Variants in OOSP3 observed in about 807,000 individuals in gnomAD.
OOSP3 encodes the protein oocyte-secreted protein 3.
chr11:59,887,051 TC>T (rs1565219462), intron 2 of OOSP3, among the ~76,000 whole-genome samples: 1 of 151,918 alleles, frequency 6.6e-6, no homozygotes, highest in Non-Finnish European at 1.5e-5. Context: ...TGCCTTGGCC[TC>T]CCAAAGTGCT....
intron 2 of OOSP3, among the ~76,000 whole-genome samples, chr11:59,880,889 C>T (rs1345973523): frequency 2.6e-5 from 4 of 152,000 alleles, no homozygotes; most frequent in African/African-American, 7.3e-5. Context: ...TGGATGATAC[C>T]AGAGGTAGAA....
chr11:59,894,308 T>G (rs1049168792), intron 3 of OOSP3, 132 bp downstream of exon 3: 1 of 393,700 alleles, frequency 2.5e-6, no homozygotes, highest in Admixed American at 4.4e-5. Context: ...CTCTGTGCAA[T>G]GATGAGGTAT....
intron 2 of OOSP3, among the ~76,000 whole-genome samples, chr11:59,886,910 C>G (rs542469718): frequency 1.8e-4 from 28 of 151,970 alleles, no homozygotes; most frequent in African/African-American, 6.3e-4. Flanking sequence ...GCTGCCTCAG[C>G]CTCCCGAATA....
In OOSP3 at chr11:59,896,465, T is replaced by C. The variant is rs566432474; in HGVS notation, c.*252T>C. 3.4e-4 allele frequency: 97 copies of C among 289,108 alleles called. No homozygotes were observed. In the East Asian group the frequency reaches 5.1e-3, roughly 15 times the overall value. 17.9% of individuals were successfully genotyped at this position (289,108 alleles called of 1,614,324 possible). On this transcript the variant is annotated 3_prime_UTR_variant, in exon 5 of 5. Coordinates refer to ENST00000646438, the Ensembl canonical transcript of OOSP3. ...TGTGGAGTTGATCTTACAAATAAAA[T>C]GTGCTGTCCCTTTGGCTATACTTCT...
At chr11:59,884,071 T>C (rs551638536) in intron 2 of OOSP3, among the ~76,000 whole-genome samples, 70 of 152,304 alleles carry the variant, frequency 4.6e-4, no homozygotes, top group Middle Eastern at 3.4e-3. Flanking sequence ...ATATTCCTGG[T>C]TTACTATTGG....
At chr11:59,895,701 G>T (rs948852365) in intron 4 of OOSP3, 49 bp downstream of exon 4, 8 of 397,978 alleles carry the variant, frequency 2.0e-5, no homozygotes, top group Non-Finnish European at 3.1e-5. Flanking sequence ...ATGTAGAAAT[G>T]ATCGTATTGA....
At chr11:59,891,622 T>A (rs983758562) in intron 2 of OOSP3, among the ~76,000 whole-genome samples, 1 of 152,216 alleles carries the variant, frequency 6.6e-6, no homozygotes, top group Non-Finnish European at 1.5e-5. Flanking sequence ...TTGCTGCCTG[T>A]GCCTTCCTCT....
At chr11:59,890,745 G>A (rs1436168871) in intron 2 of OOSP3, among the ~76,000 whole-genome samples, 28 of 152,226 alleles carry the variant, frequency 1.8e-4, no homozygotes, top group Non-Finnish European at 8.8e-5. Flanking sequence ...AAAATTGGAT[G>A]ATTATGTGTC....
At chr11:59,889,239 T>C (rs905088716) in intron 2 of OOSP3, among the ~76,000 whole-genome samples, 1 of 151,814 alleles carries the variant, frequency 6.6e-6, no homozygotes, top group Non-Finnish European at 1.5e-5. Flanking sequence ...TTTTTTTTTT[T>C]CCAAAAAAGC....
intron 2 of OOSP3, among the ~76,000 whole-genome samples, chr11:59,888,782 G>C (rs1853284755): frequency 6.6e-6 from 1 of 152,084 alleles, no homozygotes; most frequent in Non-Finnish European, 1.5e-5. Flanking sequence ...TCTCTGTCAG[G>C]GTTTGGTATC....
chr11:59,893,279 A>C (rs925471613), intron 2 of OOSP3, among the ~76,000 whole-genome samples: 1 of 152,248 alleles, frequency 6.6e-6, no homozygotes, highest in Non-Finnish European at 1.5e-5. Context: ...AAAAATTATC[A>C]ATAGAAAAAC....
intron 2 of OOSP3, among the ~76,000 whole-genome samples, chr11:59,887,682 C>G (rs1853275773): frequency 6.6e-6 from 1 of 152,148 alleles, no homozygotes; most frequent in Non-Finnish European, 1.5e-5. Flanking sequence ...CAGTACCATG[C>G]TGTTTTGATT....
At chr11:59,882,066 C>G (rs910622470) in intron 2 of OOSP3, among the ~76,000 whole-genome samples, 1 of 151,910 alleles carries the variant, frequency 6.6e-6, no homozygotes, top group Admixed American at 6.6e-5. Flanking sequence ...GTGGTTTTTC[C>G]CATATTTCAA....
rs572881279 is a variant in OOSP3 at position 59,882,781 on chromosome 11, G to A, written c.252+2342G>A. On this transcript the variant is annotated intron_variant, in intron 2 of 4. Transcript: ENST00000646438. ...CAAAAATGCACCCATACCTATCAGCGGTCACTTCACTGCCTCTTCTCCCCT... is the reference window on the plus strand; with the variant it reads ...CAAAAATGCACCCATACCTATCAGCAGTCACTTCACTGCCTCTTCTCCCCT... Among the ~76,000 whole-genome samples the A allele has an allele frequency of 6.6e-5, 10 of 152,108 alleles. No individual in the cohort carries two copies. In the South Asian group the frequency reaches 1.2e-3, roughly 19 times the overall value.
At chr11:59,882,739 A>C (rs1285361869) in intron 2 of OOSP3, among the ~76,000 whole-genome samples, 1 of 152,176 alleles carries the variant, frequency 6.6e-6, no homozygotes, top group Non-Finnish European at 1.5e-5. Context: ...TAATTCCAGG[A>C]TATTTTAATC....
chr11:59,882,804 C>T, intron 2 of OOSP3, among the ~76,000 whole-genome samples: 1 of 152,156 alleles, frequency 6.6e-6, no homozygotes, highest in East Asian at 1.9e-4. Context: ...CCTCTTCTCC[C>T]CTAGTTATAG....
intron 2 of OOSP3, among the ~76,000 whole-genome samples, chr11:59,884,783 C>T (rs776904774): frequency 6.6e-6 from 1 of 152,112 alleles, no homozygotes; most frequent in Admixed American, 6.6e-5. Context: ...GGGTTACAGG[C>T]GTGAGCCACT....
intron 2 of OOSP3, among the ~76,000 whole-genome samples, chr11:59,892,285 C>G (rs1397002234): frequency 6.6e-6 from 1 of 152,160 alleles, no homozygotes; most frequent in Non-Finnish European, 1.5e-5. Flanking sequence ...GGCCCTTTTC[C>G]TTGTGCAGCT....
At chr11:59,889,939 CTTATT>C in intron 2 of OOSP3, among the ~76,000 whole-genome samples, 1 of 152,154 alleles carries the variant, frequency 6.6e-6, no homozygotes, top group East Asian at 1.9e-4. Context: ...TCTTTAAGAA[CTTATT>C]TTATGAATCT....
Sources: allele counts gnomAD v4.1 joint callset (sites outside exome capture counted in the v4.1 genomes callset), GRCh38; gene constraint gnomAD v4.1.1; transcripts MANE v1.5; gene names NCBI Gene and HGNC (gene_info 2026-07-23, HGNC 2026-07-21).